The following ROBO2 variants were observed in gnomAD, a reference collection of about 807,000 sequenced individuals.
The protein encoded by ROBO2 is roundabout guidance receptor 2.
In ROBO2, 53 loss-of-function variants were observed where a neutral mutation model predicts 160.8. The observed-to-expected ratio is 0.33, with a 90% confidence interval of 0.26 to 0.41. ROBO2 has a LOEUF of 0.41. ROBO2 is among the 10% of genes least tolerant of loss of function. The pLI, the probability that ROBO2 is intolerant of heterozygous loss-of-function variation, is 1.00. For missense variants in ROBO2, 1,577 were observed against 1,722.4 expected, an observed-to-expected ratio of 0.92 and a Z score of 1.49; for synonymous variants, 664 against 611.7, an observed-to-expected ratio of 1.09 and a Z score of -1.26.
intron 1 of ROBO2, among the ~76,000 whole-genome samples, chr3:77,084,777 A>C (rs1041018080): frequency 1.3e-4 from 20 of 152,146 alleles, no homozygotes; most frequent in Non-Finnish European, 1.8e-4. Flanking sequence ...ATTGAGACTC[A>C]TATATTTTAG....
At chr3:77,227,352 C>T (rs985656041) in intron 2 of ROBO2, among the ~76,000 whole-genome samples, 7 of 152,102 alleles carry the variant, frequency 4.6e-5, no homozygotes, top group African/African-American at 1.7e-4. Context: ...CCTCCAATTC[C>T]ATTTAGAACA....
intron 2 of ROBO2, among the ~76,000 whole-genome samples, chr3:76,489,077 T>A: frequency 1.0e-5 from 1 of 96,598 alleles, no homozygotes; most frequent in Non-Finnish European, 1.9e-5. Flanking sequence ...AGAGTGAGAC[T>A]CTGTCTCAAA....
At chr3:76,015,941 A>G (rs1020810914) in intron 2 of ROBO2, among the ~76,000 whole-genome samples, 18 of 152,176 alleles carry the variant, frequency 1.2e-4, no homozygotes, top group African/African-American at 3.9e-4. Flanking sequence ...TTTTGCACAC[A>G]TAGTCTTATA....
At chr3:76,734,751 A>G (rs1256435271) in intron 2 of ROBO2, among the ~76,000 whole-genome samples, 1 of 152,212 alleles carries the variant, frequency 6.6e-6, no homozygotes, top group African/African-American at 2.4e-5. Flanking sequence ...GCAGTTTTAA[A>G]AAGACACTGT....
intron 2 of ROBO2, among the ~76,000 whole-genome samples, chr3:77,375,679 T>C (rs1422014326): frequency 6.6e-6 from 1 of 152,274 alleles, no homozygotes; most frequent in East Asian, 1.9e-4. Context: ...AACAGGAGTA[T>C]GTAAAACCCG....
At chr3:76,641,550 G>T (rs1347123884) in intron 2 of ROBO2, among the ~76,000 whole-genome samples, 1 of 152,074 alleles carries the variant, frequency 6.6e-6, no homozygotes, top group African/African-American at 2.4e-5. Flanking sequence ...AGACTGCAGA[G>T]GCACAAGAAC....
chr3:76,149,326 C>T (rs2072052018), intron 2 of ROBO2, among the ~76,000 whole-genome samples: 1 of 152,100 alleles, frequency 6.6e-6, no homozygotes, highest in Non-Finnish European at 1.5e-5. Flanking sequence ...GAACACAACA[C>T]AAGACCGGTT....
chr3:76,076,456 C>T (rs550251298), intron 2 of ROBO2, among the ~76,000 whole-genome samples: 1 of 152,196 alleles, frequency 6.6e-6, no homozygotes, highest in South Asian at 2.1e-4. Context: ...CATAAAGAAT[C>T]CTATGGACAT....
chr3:76,131,854 T>G (rs897723869), intron 2 of ROBO2, among the ~76,000 whole-genome samples: 2 of 152,212 alleles, frequency 1.3e-5, no homozygotes, highest in African/African-American at 4.8e-5. Flanking sequence ...AATGATTAAC[T>G]GTTTATTTCA....
chr3:76,119,249 G>A (rs775295216), intron 2 of ROBO2, among the ~76,000 whole-genome samples: 2 of 152,074 alleles, frequency 1.3e-5, no homozygotes, highest in Non-Finnish European at 2.9e-5. Flanking sequence ...ATCAATTTTC[G>A]ATGGGTGAAA....
intron 2 of ROBO2, among the ~76,000 whole-genome samples, chr3:76,027,893 C>T (rs1229672797): frequency 2.6e-5 from 4 of 151,886 alleles, no homozygotes; most frequent in African/African-American, 9.7e-5. Flanking sequence ...GTTAGGAATA[C>T]TTTAGACAGA....
chr3:76,153,410 A>C (rs1335716679), intron 2 of ROBO2, among the ~76,000 whole-genome samples: 1 of 152,178 alleles, frequency 6.6e-6, no homozygotes, highest in Non-Finnish European at 1.5e-5. Context: ...ATGGATGCAC[A>C]AACATTAATT....
At chr3:75,963,152 T>A (rs1948983274) in intron 2 of ROBO2, among the ~76,000 whole-genome samples, 2 of 151,760 alleles carry the variant, frequency 1.3e-5, no homozygotes, top group African/African-American at 4.8e-5. Flanking sequence ...TTTCTTTTAG[T>A]CTTAAGTTTT....
chr3:76,656,113 G>T lies in ROBO2; in HGVS notation c.110-441901G>T, dbSNP rs562680480. ...AGCCAAGAGCAAACAGTAAAATCTAGAAAAATGTATATAATAAGTTGCTCA... is the reference window on the plus strand; with the variant it reads ...AGCCAAGAGCAAACAGTAAAATCTATAAAAATGTATATAATAAGTTGCTCA... On this transcript the variant is annotated intron_variant, in intron 2 of 26. Transcript: ENST00000487694. Among the ~76,000 whole-genome samples, 6 of 152,134 alleles carry T rather than the reference G, an allele frequency of 3.9e-5. No individual in the cohort carries two copies. The South Asian group carries it at 1.0e-3, about 26-fold the overall frequency.
At position 76,457,363 on chromosome 3, in the gene ROBO2, A is replaced by G. The variant is rs557115616; in HGVS notation, c.109+519761A>G. 2.8e-3 allele frequency among the ~76,000 whole-genome samples: 420 copies of G among 152,324 alleles called. 1 individual carries two copies. Among genetic ancestry groups the G allele is most frequent in the African/African-American group, 9.7e-3 (403 of 41,590 alleles). On this transcript the variant is annotated intron_variant, in intron 2 of 26. Transcript: ENST00000487694. ...AAATCCAGCGGTGCAGTCAAACTTTAAAGCTCCAAAAGGATCTCTTTTGAC... is the reference window on the plus strand; with the variant it reads ...AAATCCAGCGGTGCAGTCAAACTTTGAAGCTCCAAAAGGATCTCTTTTGAC...
At chr3:76,220,008 TG>T (rs1262610113) in intron 2 of ROBO2, among the ~76,000 whole-genome samples, 3 of 151,836 alleles carry the variant, frequency 2.0e-5, no homozygotes, top group African/African-American at 7.3e-5. Flanking sequence ...TAAAAAATGG[TG>T]AGTTCATGTC....
rs1332157718 is a variant in ROBO2 at position 75,941,999 on chromosome 3, C to A, written c.109+4397C>A. On this transcript the variant is annotated intron_variant, in intron 2 of 26. Coordinates refer to the ROBO2 transcript ENST00000487694. ...TCTCTGTCTTTGCCTCCATTCGGTT[C>A]CTTACAATCGTTTCCCAGTGCATTT... 2.0e-5 allele frequency among the ~76,000 whole-genome samples: 3 copies of A among 152,110 alleles called. 1 individual carries two copies. The South Asian group carries it at 6.2e-4, about 31-fold the overall frequency.
chr3:77,204,923 G>A (rs377185308), intron 2 of ROBO2, among the ~76,000 whole-genome samples: 1 of 152,180 alleles, frequency 6.6e-6, no homozygotes, highest in East Asian at 1.9e-4. Context: ...CCTGTGACAG[G>A]GGTGTAGCTC....
At chr3:77,372,302 G>C (rs1309104042) in intron 2 of ROBO2, among the ~76,000 whole-genome samples, 2 of 152,098 alleles carry the variant, frequency 1.3e-5, no homozygotes, top group African/African-American at 2.4e-5. Context: ...ACGGAAAAGA[G>C]ATGCATAAAT....
Sources: allele counts gnomAD v4.1 joint callset (sites outside exome capture counted in the v4.1 genomes callset), GRCh38; gene constraint gnomAD v4.1.1; transcripts MANE v1.5; gene names NCBI Gene and HGNC (gene_info 2026-07-23, HGNC 2026-07-21).